ZNF84: variants seen among roughly 807,000 people sequenced by gnomAD.
The protein encoded by ZNF84 is zinc finger protein HPF2.
In ZNF84, 12 loss-of-function variants were observed where a neutral mutation model predicts 14.8. The observed-to-expected ratio is 0.81, with a 90% CI of 0.52 to 1.31. ZNF84 has a LOEUF of 1.31. Among genes scored for constraint, ZNF84 ranks in the 50% most tolerant of loss-of-function variants. The pLI, the probability that ZNF84 is intolerant of heterozygous loss-of-function variation, is 0.00. For synonymous variants in ZNF84, 347 were observed against 291.1 expected (o/e 1.19, Z -1.96); for missense variants, 859 against 878.6 (o/e 0.98, Z 0.28).
chr12:133,060,606 ATAG>A lies in ZNF84; in HGVS notation c.*1679_*1681del, dbSNP rs1268845190. The A allele has an allele frequency of 1.3e-4, 20 of 152,364 alleles. No individual in the cohort carries two copies. Among genetic ancestry groups the A allele is most frequent in the African/African-American group, 3.1e-4 (13 of 41,598 alleles). The allele number at this position is 152,364 out of a possible 1,614,324, so 9.4% of individuals were successfully genotyped here. Reference sequence around the variant, plus strand: ...AATTATTGAATACTGAAGGTGAAAAATAGTAGTGTATGGATACCATTGTAATGT... The same window carrying A: ...AATTATTGAATACTGAAGGTGAAAAATAGTGTATGGATACCATTGTAATGT... On this transcript the variant is annotated 3_prime_UTR_variant, in exon 5 of 5. Transcript: ENST00000539354.
At position 133,058,638 on chromosome 12, in the gene ZNF84, T is replaced by A; in HGVS notation, c.1923T>A (p.Ser641Arg). ...GAAAAGCCTTCAGGGAGAAGTCAAG[T>A]CTCATCAATCATCAGAGAATACATA... Reference protein sequence around the residue: ...ECRKAFREKSSLINHQRIHTG... With the variant: ...ECRKAFREKSRLINHQRIHTG... The change falls in exon 5 of 5, where the codon AGT becomes AGA. Residue 641 changes from serine to arginine, a missense_variant. Physicochemically the swap from Ser to Arg is moderately radical, Grantham distance 110 (BLOSUM62 -1). Transcript: ENST00000539354. The A allele has an allele frequency of 6.2e-7, 1 of 1,614,018 alleles. No homozygotes were observed.
rs1954287653 is a variant in ZNF84 at position 133,062,888 on chromosome 12, T to C, written c.*3956T>C. 1.9e-6 allele frequency: 1 copy of C among 531,030 alleles called. No homozygotes were observed. The highest frequency in any genetic ancestry group is 1.9e-5 in the African/African-American group (1 of 53,222). 32.9% of individuals were successfully genotyped at this position (531,030 alleles called of 1,614,324 possible). A position where few individuals can be genotyped will look rare whatever the true frequency, so the allele number is the denominator to read the frequency against. On this transcript the variant is annotated 3_prime_UTR_variant, in exon 5 of 5. Coordinates refer to ENST00000539354, the MANE Select transcript of ZNF84 (RefSeq NM_001289971.2). The stretch of plus-strand genomic sequence containing the variant: ...ATTATCACTTATGTTTTTGCAAATC[T>C]GCAATTGAAATGCCCTTGTTCCTTG...
intron 4 of ZNF84, among the ~76,000 whole-genome samples, chr12:133,055,938 A>G (rs1401172992): frequency 2.0e-5 from 3 of 152,252 alleles, no homozygotes; most frequent in Non-Finnish European, 4.4e-5. Flanking sequence ...TCTTTACAAA[A>G]TATTAAAAAA....
At chr12:133,040,734 A>G (rs1488860937) in intron 1 of ZNF84, 1 of 152,220 alleles carries the variant, frequency 6.6e-6, no homozygotes, top group Non-Finnish European at 1.5e-5. Flanking sequence ...CCATAAGCAT[A>G]TAATCCAAAC....
At chr12:133,050,665 C>A (rs965552570) in intron 4 of ZNF84, 1 of 397,486 alleles carries the variant, frequency 2.5e-6, no homozygotes, top group Non-Finnish European at 4.4e-6. Flanking sequence ...TACTAGTTAC[C>A]TAGAAATTCT....
rs1954202049 is a variant in ZNF84 at position 133,058,515 on chromosome 12, A to G, written c.1800A>G (p.Glu600=). 5 of 1,614,170 alleles carry G rather than the reference A, an allele frequency of 3.1e-6. No homozygotes were observed. Among genetic ancestry groups the G allele is most frequent in the African/African-American group, 1.3e-5 (1 of 75,062 alleles). The part of the protein sequence containing the change: ...QRIHTGEKPY[E]CSLCRKAFFE... ...TTCACACTGGAGAGAAACCCTATGAATGCAGTCTTTGTAGGAAAGCTTTTT... is the reference window on the plus strand; with the variant it reads ...TTCACACTGGAGAGAAACCCTATGAGTGCAGTCTTTGTAGGAAAGCTTTTT... The change falls in exon 5 of 5, where the codon GAA becomes GAG. Residue 600 remains glutamate, a synonymous_variant. Transcript: ENST00000539354.
chr12:133,056,342 C>T (rs972297476), intron 4 of ZNF84, among the ~76,000 whole-genome samples: 3 of 152,082 alleles, frequency 2.0e-5, no homozygotes, highest in Non-Finnish European at 2.9e-5. Context: ...CAATCTCCGC[C>T]TCCTGGGTTC....
intron 2 of ZNF84, among the ~76,000 whole-genome samples, chr12:133,042,589 C>T (rs1039757186): frequency 1.3e-5 from 2 of 152,112 alleles, no homozygotes; most frequent in African/African-American, 4.8e-5. Context: ...AGGCATCCAC[C>T]GGAGTCTTGG....
In ZNF84 at chr12:133,058,829, A is replaced by T; in HGVS notation, c.2114A>T (p.His705Leu). 1.2e-6 allele frequency: 2 copies of T among 1,614,128 alleles called. No homozygotes were observed. Among genetic ancestry groups the T allele is most frequent in the Non-Finnish European group, 1.7e-6 (2 of 1,180,000 alleles). Residue 705 changes from histidine to leucine, a missense_variant, in exon 5 of 5, where the codon CAT (histidine) becomes CTT (leucine). By Grantham distance (99) the His-to-Leu change is moderately conservative. Coordinates refer to ENST00000539354, the MANE Select transcript of ZNF84 (RefSeq NM_001289971.2). ...CAGCTGGTTAATCATCAGAGAATTC[A>T]TACAGGAGAGAAGCCTTATCGATGC... The part of the protein sequence containing the change: ...KSQLVNHQRI[H>L]TGEKPYRCIE...
chr12:133,048,907 G>C (rs1954028803), intron 4 of ZNF84, 59 bp downstream of exon 4: 2 of 1,411,432 alleles, frequency 1.4e-6, no homozygotes, highest in Non-Finnish European at 2.0e-6. Flanking sequence ...CATCTGGTCA[G>C]TGACGGGTGG....
rs962281970 is a variant in ZNF84, at chr12:133,063,041, A to G, written c.*4109A>G. On this transcript the variant is annotated 3_prime_UTR_variant, in exon 5 of 5. Coordinates refer to ENST00000539354, the MANE Select transcript of ZNF84 (RefSeq NM_001289971.2). The stretch of plus-strand genomic sequence containing the variant: ...TAGTACTATCTTTTTTGTCTGTGTA[A>G]TTTTTGCATCACAAGCTATATTTAA... 1.4e-6 allele frequency: 1 copy of G among 694,482 alleles called. No individual in the cohort carries two copies. Among genetic ancestry groups the G allele is most frequent in the Non-Finnish European group, 2.6e-6 (1 of 379,646 alleles). 43.0% of individuals were successfully genotyped at this position (694,482 alleles called of 1,614,324 possible). A position where few individuals can be genotyped will look rare whatever the true frequency, so the allele number is the denominator to read the frequency against.
Position 133,058,779 on chromosome 12 carries a change from T to C in ZNF84, c.2064T>C (p.Cys688=), listed in dbSNP as rs1245703825. 3.7e-6 allele frequency: 6 copies of C among 1,613,890 alleles called. No homozygotes were observed. Among genetic ancestry groups the C allele is most frequent in the African/African-American group, 1.3e-5 (1 of 74,908 alleles). The change falls in exon 5 of 5, where the codon TGT becomes TGC. Residue 688 remains cysteine (C), a synonymous_variant. Transcript: ENST00000539354. The stretch of plus-strand genomic sequence containing the variant: ...AGAAACCCTATGGATGCAGTGAATG[T>C]AGGAAGGCCTTCTCTCAGAAGTCAC... ...TGEKPYGCSE[C]RKAFSQKSQL... is the part of the protein sequence containing the mutation.
intron 2 of ZNF84, among the ~76,000 whole-genome samples, chr12:133,047,460 ATC>A (rs1219355522): frequency 1.5e-3 from 226 of 152,260 alleles, no homozygotes; most frequent in African/African-American, 5.4e-3. Flanking sequence ...CTTGTTATTG[ATC>A]TTTGTAGCCA....
chr12:133,058,524 T>G lies in ZNF84; in HGVS notation c.1809T>G (p.Leu603=). 1 of 1,613,856 alleles carries G rather than the reference T, an allele frequency of 6.2e-7. No individual in the cohort carries two copies. Among genetic ancestry groups the G allele is most frequent in the Non-Finnish European group, 8.5e-7 (1 of 1,179,936 alleles). ...HTGEKPYECS[L]CRKAFFEKSE... ...GAGAGAAACCCTATGAATGCAGTCT[T>G]TGTAGGAAAGCTTTTTTTGAGAAGT... The change falls in exon 5 of 5, where the codon CTT becomes CTG. Residue 603 remains leucine, a synonymous_variant. Coordinates refer to ENST00000539354, the MANE Select transcript of ZNF84 (RefSeq NM_001289971.2).
chr12:133,058,877 C>T lies in ZNF84; in HGVS notation c.2162C>T (p.Ser721Leu), dbSNP rs1954209246. ...TGCATTGAATGTGGGAAAGCTTTCT[C>T]ACAGAAGTCACAGCTCATCAATCAT... ...YRCIECGKAF[S>L]QKSQLINHQR... Residue 721 changes from serine (S) to leucine (L), a missense_variant, in exon 5 of 5, where the codon TCA (serine) becomes TTA (leucine). Ser to Leu is a moderately radical substitution (Grantham distance 145, BLOSUM62 -2). Transcript: ENST00000539354. 7 of 1,612,892 alleles carry T rather than the reference C, an allele frequency of 4.3e-6. No individual in the cohort carries two copies. The highest frequency in any genetic ancestry group is 5.9e-6 in the Non-Finnish European group (7 of 1,179,606).
At position 133,059,019 on chromosome 12, in the gene ZNF84, T is replaced by G; in HGVS notation, c.*87T>G. On this transcript the variant is annotated 3_prime_UTR_variant, in exon 5 of 5. Coordinates refer to ENST00000539354, the MANE Select transcript of ZNF84 (RefSeq NM_001289971.2). ...AACGTTTGTAGACAGTCACGTCATG[T>G]TAGGTGTTTGTACTCCATGAGGATG... The G allele has an allele frequency of 7.6e-7, 1 of 1,310,430 alleles. No homozygotes were observed. Among genetic ancestry groups the G allele is most frequent in the Non-Finnish European group, 1.0e-6 (1 of 958,002 alleles). 81.2% of individuals were successfully genotyped at this position (1,310,430 alleles called of 1,614,324 possible).
At chr12:133,039,512 A>G (rs1953848795) in intron 1 of ZNF84, among the ~76,000 whole-genome samples, 1 of 152,352 alleles carries the variant, frequency 6.6e-6, no homozygotes, top group Middle Eastern at 3.4e-3. Context: ...CACATTTTAC[A>G]ATCACTCATT....
chr12:133,041,488 T>C lies in ZNF84; in HGVS notation c.15+6T>C. The C allele has an allele frequency of 1.2e-6, 2 of 1,613,960 alleles. No individual in the cohort carries two copies. The highest frequency in any genetic ancestry group is 1.7e-6 in the Non-Finnish European group (2 of 1,179,888). ...AGAAAATGACCATGTTACAGGTGAG[T>C]TGATTGTTGAGTTCTTATTTTTTCC... On this transcript the variant is annotated splice_donor_region_variant and intron_variant, in intron 2 of 4. Coordinates refer to ENST00000539354, the MANE Select transcript of ZNF84 (RefSeq NM_001289971.2).
intron 2 of ZNF84, among the ~76,000 whole-genome samples, chr12:133,046,355 T>G (rs1453774051): frequency 0.19 from 313 of 1,670 alleles, 11 homozygotes; most frequent in Admixed American, 0.34. Flanking sequence ...CAGTTTTTTT[T>G]TTTTTTTTTT....
Sources: allele counts gnomAD v4.1 joint callset (sites outside exome capture counted in the v4.1 genomes callset), GRCh38; gene constraint gnomAD v4.1.1; transcripts MANE v1.5; gene names NCBI Gene and HGNC (gene_info 2026-07-23, HGNC 2026-07-21).